The following CDC42BPA variants were observed in gnomAD, a reference collection of about 807,000 sequenced individuals.
CDC42BPA encodes CDC42 binding protein kinase alpha.
Under a neutral mutation model 223.5 loss-of-function variants are expected in CDC42BPA, and 80 were observed. The observed-to-expected ratio is 0.36, with a 90% CI of 0.30 to 0.43. The LOEUF (loss-of-function observed/expected upper bound fraction) is 0.43. Among genes scored for constraint, CDC42BPA ranks in the 20% least tolerant of loss-of-function variants. CDC42BPA has a pLI of 1.00. For synonymous variants in CDC42BPA, 694 were observed against 718.6 expected (o/e 0.97, Z 0.55); for missense variants, 1,743 against 2,099.9 (o/e 0.83, Z 3.32).
Position 227,112,791 on chromosome 1 carries a change from G to A in CDC42BPA, c.1770C>T (p.His590=), listed in dbSNP as rs770480658. 1.1e-5 allele frequency: 17 copies of A among 1,614,018 alleles called. No individual in the cohort carries two copies. Among genetic ancestry groups the A allele is most frequent in the Non-Finnish European group, 1.4e-5 (16 of 1,179,992 alleles). The change falls in exon 13 of 37, where the codon CAC becomes CAT. Residue 590 remains histidine, a synonymous_variant. Coordinates refer to ENST00000366766, the MANE Select transcript of CDC42BPA (RefSeq NM_001394014.1). Reference sequence around the variant, plus strand: ...GGCGAGCAAGTTTCTGTTTTTGGGTGTGCAATTCTGTTAGCCGCTCATTGA... The same window carrying A: ...GGCGAGCAAGTTTCTGTTTTTGGGTATGCAATTCTGTTAGCCGCTCATTGA... ...MEINERLTEL[H]TQKQKLARHV...
chr1:227,162,909 TATATGTGTGTGTTTCCAAAC>T (rs1444656724), intron 5 of CDC42BPA, among the ~76,000 whole-genome samples: 2 of 137,968 alleles, frequency 1.4e-5, no homozygotes, highest in East Asian at 2.0e-4. Flanking sequence ...TATGTGTGTG[TATATGTGTGTGTTTCCAAAC>T]ATATGTGTGT....
chr1:227,101,314 T>C (rs534113329), intron 14 of CDC42BPA, 75 bp from the exon 15 acceptor site: 5 of 892,310 alleles, frequency 5.6e-6, no homozygotes, highest in African/African-American at 5.1e-5. Flanking sequence ...TTCTGTAATA[T>C]AAATGAGTAT....
At chr1:227,112,537 C>A in intron 13 of CDC42BPA, 115 bp from the exon 14 acceptor site, 4 of 925,356 alleles carry the variant, frequency 4.3e-6, no homozygotes, top group Non-Finnish European at 6.0e-6. Context: ...TGTTTAAATC[C>A]ATATTAAATA....
At chr1:227,180,471 A>T (rs1667749765) in intron 5 of CDC42BPA, 1 of 152,182 alleles carries the variant, frequency 6.6e-6, no homozygotes. Flanking sequence ...ACCAGCAATG[A>T]CCCTTCTCAA....
intron 2 of CDC42BPA, among the ~76,000 whole-genome samples, chr1:227,250,869 T>C (rs928099219): frequency 3.3e-5 from 5 of 151,890 alleles, no homozygotes; most frequent in Non-Finnish European, 5.9e-5. Context: ...CTAGGCAACG[T>C]AGGAAAACCC....
chr1:227,181,351 T>C (rs1423189515), intron 5 of CDC42BPA, among the ~76,000 whole-genome samples: 1 of 152,254 alleles, frequency 6.6e-6, no homozygotes, highest in African/African-American at 2.4e-5. Context: ...TTTCTATGTA[T>C]TCAAGTGACA....
rs1403438574 is a variant in CDC42BPA at position 227,133,275 on chromosome 1, G to A, written c.1391-4044C>T. Among the ~76,000 whole-genome samples the A allele has an allele frequency of 2.1e-4, 32 of 150,096 alleles. 1 individual carries two copies. In the South Asian group the frequency reaches 5.5e-3, roughly 26 times the overall value. ...TGGGAGGTGAGGGGCGCCTCTGCCC[G>A]GCCGCCCCTACTGGGAAGTGAGGAG... On this transcript the variant is annotated intron_variant, in intron 10 of 36. Coordinates refer to ENST00000366766, the MANE Select transcript of CDC42BPA (RefSeq NM_001394014.1).
chr1:227,174,839 C>T (rs143591609), intron 5 of CDC42BPA, among the ~76,000 whole-genome samples: 3 of 152,128 alleles, frequency 2.0e-5, no homozygotes, highest in Non-Finnish European at 4.4e-5. Flanking sequence ...TAGGAAAGCA[C>T]GTATATTCCA....
chr1:227,133,744 T>C (rs1657867720), intron 10 of CDC42BPA, among the ~76,000 whole-genome samples: 2 of 152,030 alleles, frequency 1.3e-5, no homozygotes. Flanking sequence ...ATGTGCTTTG[T>C]TAAACAGATG....
intron 21 of CDC42BPA, among the ~76,000 whole-genome samples, chr1:227,059,214 T>C (rs1675260518): frequency 6.6e-6 from 1 of 150,522 alleles, no homozygotes; most frequent in Non-Finnish European, 1.5e-5. Context: ...AACAAAAACA[T>C]AAAAGCAGCA....
chr1:227,209,824 T>G (rs923252003), intron 3 of CDC42BPA, among the ~76,000 whole-genome samples: 3 of 151,168 alleles, frequency 2.0e-5, no homozygotes, highest in Non-Finnish European at 2.9e-5. Context: ...TTCTCTTTTT[T>G]GGTTGTGTCT....
chr1:227,077,212 T>C (rs1468556435), intron 17 of CDC42BPA, among the ~76,000 whole-genome samples: 1 of 152,210 alleles, frequency 6.6e-6, no homozygotes, highest in African/African-American at 2.4e-5. Context: ...TTACCAGCTG[T>C]GTAACTTTGG....
intron 4 of CDC42BPA, 43 bp downstream of exon 4, chr1:227,199,514 C>T (rs762523413): frequency 7.4e-6 from 8 of 1,087,898 alleles, no homozygotes; most frequent in Non-Finnish European, 1.1e-5. Flanking sequence ...GCTAATTCTT[C>T]CAACAAAAAA....
At chr1:227,035,383 G>A in intron 25 of CDC42BPA, 88 bp downstream of exon 25, 2 of 965,414 alleles carry the variant, frequency 2.1e-6, no homozygotes, top group East Asian at 2.7e-5. Flanking sequence ...TTTCCATCAA[G>A]AACTATCCTC....
intron 5 of CDC42BPA, among the ~76,000 whole-genome samples, chr1:227,193,017 G>A (rs1186665818): frequency 6.7e-6 from 1 of 150,140 alleles, no homozygotes; most frequent in Non-Finnish European, 1.5e-5. Context: ...AAACAAGAGT[G>A]GTTTTTTAAG....
rs768116427 is a variant in CDC42BPA at position 227,080,950 on chromosome 1, G to C, written c.2423C>G (p.Ala808Gly). ...QQLEEEVKDLADKKESVAHWE... is the reference protein window; with the variant it reads ...QQLEEEVKDLGDKKESVAHWE... ...ATGTGCAACTGATTCTTTCTTGTCT[G>C]CTAGATCTTTAACCTCTTCTTCTAA... is the stretch of plus-strand genomic sequence containing the variant. Residue 808 changes from alanine to glycine, a missense_variant, in exon 17 of 37, where the codon GCA (alanine) becomes GGA (glycine). Ala to Gly is a moderately conservative substitution (Grantham distance 60, BLOSUM62 0). This residue lies in a region of CDC42BPA where 464 missense variants were observed against 488.0 expected (regional missense o/e 0.95). Coordinates refer to ENST00000366766, the MANE Select transcript of CDC42BPA (RefSeq NM_001394014.1). 6 of 1,613,544 alleles carry C rather than the reference G, an allele frequency of 3.7e-6. No homozygotes were observed. In the African/African-American group the frequency reaches 6.7e-5, roughly 18 times the overall value.
rs1441135477 is a variant in CDC42BPA at position 227,208,144 on chromosome 1, T to C, written c.354+4992A>G. Among the ~76,000 whole-genome samples, 8 of 145,648 alleles carry C rather than the reference T, an allele frequency of 5.5e-5. No individual in the cohort carries two copies. The South Asian group carries it at 1.8e-3, about 33-fold the overall frequency. ...ATGACGAGCATTTTTTCATGTGTTT[T>C]TTGGCTGCATAAATGTCTTCTTTTG... On this transcript the variant is annotated intron_variant, in intron 3 of 36. Coordinates refer to ENST00000366766, the MANE Select transcript of CDC42BPA (RefSeq NM_001394014.1).
chr1:227,241,235 G>A (rs373118130), intron 2 of CDC42BPA, among the ~76,000 whole-genome samples: 1 of 152,050 alleles, frequency 6.6e-6, no homozygotes, highest in African/African-American at 2.4e-5. Flanking sequence ...CAAGAACAGG[G>A]CATAAGTAGG....
chr1:227,257,085 A>G (rs1353775819), intron 1 of CDC42BPA, among the ~76,000 whole-genome samples: 2 of 152,168 alleles, frequency 1.3e-5, no homozygotes, highest in South Asian at 2.1e-4. Flanking sequence ...TAAGACAGGC[A>G]TTAAAAGGCA....
Sources: gnomAD v4.1 joint callset for allele counts (sites outside exome capture counted in the v4.1 genomes callset) on GRCh38, gnomAD v4.1.1 for gene constraint, gnomAD v4.1.1 regional missense constraint, MANE v1.5 for transcripts, NCBI Gene and HGNC (gene_info 2026-07-23, HGNC 2026-07-21) for gene names.